The following MYT1L variants were observed in gnomAD, a reference collection of about 807,000 sequenced individuals.
MYT1L encodes myelin transcription factor 1 like.
In MYT1L, 12 loss-of-function variants were observed where a neutral mutation model predicts 126.7. The observed-to-expected ratio is 0.09, with a 90% CI of 0.06 to 0.15. The LOEUF (loss-of-function observed/expected upper bound fraction) is 0.15, where lower values mean the gene tolerates loss of function less well. MYT1L is among the 10% of genes least tolerant of loss of function. MYT1L has a pLI of 1.00. For missense variants in MYT1L, 979 were observed against 1,585.2 expected, an observed-to-expected ratio of 0.62 and a Z score of 6.49; for synonymous variants, 541 against 604.2, an observed-to-expected ratio of 0.90 and a Z score of 1.53.
intron 4 of MYT1L, among the ~76,000 whole-genome samples, chr2:2,029,309 T>G (rs1390617256): frequency 6.6e-6 from 1 of 152,148 alleles, no homozygotes; most frequent in Non-Finnish European, 1.5e-5. Flanking sequence ...TGGGTAATTA[T>G]AAAGGAAAGA....
At chr2:2,142,499 A>T (rs1376891348) in intron 3 of MYT1L, among the ~76,000 whole-genome samples, 1 of 152,150 alleles carries the variant, frequency 6.6e-6, no homozygotes, top group African/African-American at 2.4e-5. Context: ...CCAACTCACC[A>T]GGCGTGAAGC....
intron 3 of MYT1L, among the ~76,000 whole-genome samples, chr2:2,156,335 T>A (rs1250676162): frequency 2.6e-5 from 4 of 152,174 alleles, no homozygotes; most frequent in African/African-American, 9.6e-5. Context: ...TATGTTCTTC[T>A]AGAAGCTGTG....
rs116247802 is a variant in MYT1L, at chr2:2,183,861, G to A, written c.-420-10873C>T. On this transcript the variant is annotated intron_variant, in intron 2 of 24. Transcript: ENST00000647738. ...GAAGGAAGGAAGGAGAGGAGGGAAG[G>A]AAAAAGGAAGGAAGGAAGGAGAGAG... Among the ~76,000 whole-genome samples the A allele has an allele frequency of 5.0e-3, 699 of 139,462 alleles. 11 individuals carry two copies. The highest frequency in any genetic ancestry group is 0.017 in the African/African-American group (599 of 36,192). The allele number at this position is 139,462 out of a possible 152,430, so 91.5% of individuals were successfully genotyped here. A position where few individuals can be genotyped will look rare whatever the true frequency, so the allele number is the denominator to read the frequency against.
intron 11 of MYT1L, among the ~76,000 whole-genome samples, chr2:1,916,322 G>A (rs1027657046): frequency 6.6e-6 from 1 of 152,192 alleles, no homozygotes; most frequent in South Asian, 2.1e-4. Flanking sequence ...GTAGTTAACT[G>A]GTCATCTTGT....
At position 1,935,338 on chromosome 2, in the gene MYT1L, T is replaced by G. The variant is rs574414252; in HGVS notation, c.505+7644A>C. Among the ~76,000 whole-genome samples the G allele has an allele frequency of 2.6e-5, 4 of 152,302 alleles. No homozygotes were observed. The South Asian group carries it at 8.3e-4, about 32-fold the overall frequency. On this transcript the variant is annotated intron_variant, in intron 9 of 24. Transcript: ENST00000647738. ...GGGCACAGAGAAAAAAAACACACCG[T>G]GTTTTGAAATGAGCTGTCATGATAT...
At chr2:1,923,287 AAAAAG>A in intron 9 of MYT1L, 24 bp from the exon 10 acceptor site, 2 of 1,537,704 alleles carry the variant, frequency 1.3e-6, no homozygotes, top group Non-Finnish European at 8.8e-7. Context: ...AAAAAAGACA[AAAAAG>A]AAAAGAAAAG....
At chr2:2,107,311 C>T (rs1006893815) in intron 3 of MYT1L, among the ~76,000 whole-genome samples, 3 of 152,208 alleles carry the variant, frequency 2.0e-5, no homozygotes, top group African/African-American at 7.2e-5. Context: ...CCAAACCTGG[C>T]CCACAGCCGA....
At chr2:1,902,131 A>G (rs1421528361) in intron 14 of MYT1L, among the ~76,000 whole-genome samples, 1 of 152,264 alleles carries the variant, frequency 6.6e-6, no homozygotes, top group African/African-American at 2.4e-5. Flanking sequence ...TTTAAAGCAG[A>G]CACATGGTTA....
intron 3 of MYT1L, among the ~76,000 whole-genome samples, chr2:2,162,600 T>C (rs1210615891): frequency 6.6e-6 from 1 of 152,178 alleles, no homozygotes; most frequent in Non-Finnish European, 1.5e-5. Context: ...GGGAACACTG[T>C]GGCCTGGCCC....
At chr2:2,070,585 CCAA>C (rs2074485680) in intron 3 of MYT1L, among the ~76,000 whole-genome samples, 1 of 152,198 alleles carries the variant, frequency 6.6e-6, no homozygotes. Context: ...GCAAGATGAA[CCAA>C]CAACTGTGTT....
intron 3 of MYT1L, among the ~76,000 whole-genome samples, chr2:2,159,511 C>T (rs889370396): frequency 4.6e-5 from 7 of 152,024 alleles, no homozygotes; most frequent in East Asian, 3.9e-4. Flanking sequence ...CATCCCCAGA[C>T]GCTGGGGAGC....
intron 18 of MYT1L, among the ~76,000 whole-genome samples, chr2:1,868,896 C>A (rs2045930138): frequency 6.6e-6 from 1 of 152,212 alleles, no homozygotes; most frequent in African/African-American, 2.4e-5. Context: ...GGTGTGGTGG[C>A]CATGGGAGTG....
At chr2:2,030,265 T>A (rs1407184350) in intron 4 of MYT1L, among the ~76,000 whole-genome samples, 2 of 152,010 alleles carry the variant, frequency 1.3e-5, no homozygotes, top group African/African-American at 2.4e-5. Flanking sequence ...GCCTGGCTAA[T>A]TTTTTGTATT....
At chr2:2,200,135 A>G (rs2092999036) in intron 2 of MYT1L, among the ~76,000 whole-genome samples, 1 of 152,126 alleles carries the variant, frequency 6.6e-6, no homozygotes, top group African/African-American at 2.4e-5. Context: ...TGACAAGTGA[A>G]TTTTTGGTGT....
intron 2 of MYT1L, among the ~76,000 whole-genome samples, chr2:2,235,496 T>G (rs573246518): frequency 6.6e-6 from 1 of 152,234 alleles, no homozygotes; most frequent in Non-Finnish European, 1.5e-5. Context: ...CCCTGTTAGC[T>G]GGCTGGTGTC....
intron 3 of MYT1L, among the ~76,000 whole-genome samples, chr2:2,098,443 A>C (rs1183279215): frequency 6.6e-6 from 1 of 152,224 alleles, no homozygotes; most frequent in Non-Finnish European, 1.5e-5. Flanking sequence ...CAGAGTTTAA[A>C]TAATTTGTTG....
At position 2,266,749 on chromosome 2, in the gene MYT1L, C is replaced by T. The variant is rs114714335; in HGVS notation, c.-421+17655G>A. On this transcript the variant is annotated intron_variant, in intron 2 of 24. Transcript: ENST00000647738. ...ATTGAAACATGGGGGCAGTTTCCCC[C>T]ATACTGTTCTTGTGGTAGAATAAGT... is the stretch of plus-strand genomic sequence containing the variant. Among the ~76,000 whole-genome samples, 682 of 152,218 alleles carry T rather than the reference C, an allele frequency of 4.5e-3. 2 individuals are homozygous for T. Among genetic ancestry groups the T allele is most frequent in the African/African-American group, 0.016 (648 of 41,530 alleles).
intron 14 of MYT1L, among the ~76,000 whole-genome samples, chr2:1,892,635 C>T (rs1161622081): frequency 2.6e-5 from 4 of 151,912 alleles, no homozygotes; most frequent in South Asian, 2.1e-4. Context: ...TTTTAGGAGC[C>T]GCAGGGTGTA....
At chr2:2,235,971 A>G (rs1027396913) in intron 2 of MYT1L, among the ~76,000 whole-genome samples, 1 of 152,190 alleles carries the variant, frequency 6.6e-6, no homozygotes, top group African/African-American at 2.4e-5. Context: ...TTTTTGAGAC[A>G]CATAGATAAT....
Sources: allele counts gnomAD v4.1 joint callset (sites outside exome capture counted in the v4.1 genomes callset), GRCh38; gene constraint gnomAD v4.1.1; transcripts MANE v1.5; gene names NCBI Gene and HGNC (gene_info 2026-07-23, HGNC 2026-07-21).